SNURF: variants seen among roughly 807,000 people sequenced by gnomAD.
SNURF encodes SNRPN upstream open reading frame.
Under a neutral mutation model 11.6 loss-of-function variants are expected in SNURF, and 6 were observed. The ratio of observed to expected loss-of-function variants is 0.52; its 90% confidence interval spans 0.28 to 1.02. The LOEUF (loss-of-function observed/expected upper bound fraction) is 1.02. Among genes scored for constraint, SNURF ranks in the 50% least tolerant of loss-of-function variants. The pLI is 0.09. For missense variants in SNURF, 84 were observed against 88.4 expected (o/e 0.95, Z 0.20); for synonymous variants, 29 against 31.6 (o/e 0.92, Z 0.27).
chr15:24,957,474 C>G (rs1473539644), intron 1 of SNURF, among the ~76,000 whole-genome samples: 1 of 152,154 alleles, frequency 6.6e-6, no homozygotes. Flanking sequence ...TAATGAATAA[C>G]TGCATTTTTA....
chr15:24,978,128 G>A (rs574344369), downstream of SNURF: 33 of 1,523,506 alleles, frequency 2.2e-5, no homozygotes, highest in East Asian at 7.5e-4. Flanking sequence ...GGGATTATTT[G>A]GGCTAAATTC....
At chr15:24,966,773 A>C (rs2153562136) in intron 2 of SNURF, among the ~76,000 whole-genome samples, 1 of 152,226 alleles carries the variant, frequency 6.6e-6, no homozygotes, top group Admixed American at 6.5e-5. Context: ...TTACTGAAAA[A>C]CCATAGAAAA....
chr15:24,969,166 T>A (rs1479532561), downstream of SNURF, among the ~76,000 whole-genome samples: 1 of 152,208 alleles, frequency 6.6e-6, no homozygotes, highest in African/African-American at 2.4e-5. Context: ...TTTCACTCTG[T>A]TGCCCAGGCT....
At position 24,959,596 on chromosome 15, in the gene SNURF, T is replaced by C. The variant is rs183302885; in HGVS notation, c.15-2518T>C. ...TTTTTTGGTAAGACAGTGTTTGCAG[T>C]TGTACACTATTAGATTAATCATGGT... is the stretch of plus-strand genomic sequence containing the variant. On this transcript the variant is annotated intron_variant, in intron 1 of 2. Transcript: ENST00000577949. Among the ~76,000 whole-genome samples the C allele has an allele frequency of 4.6e-5, 7 of 152,332 alleles. No homozygotes were observed. In the East Asian group the frequency reaches 1.4e-3, roughly 29 times the overall value.
chr15:24,964,840 G>A (rs764936357), intron 2 of SNURF, among the ~76,000 whole-genome samples: 1 of 152,110 alleles, frequency 6.6e-6, no homozygotes, highest in African/African-American at 2.4e-5. Context: ...GTGGGATGAC[G>A]TTAGCCTTCT....
At chr15:24,967,534 C>T (rs1346695791) in intron 2 of SNURF, among the ~76,000 whole-genome samples, 1 of 151,592 alleles carries the variant, frequency 6.6e-6, no homozygotes. Flanking sequence ...CTCAGCTACT[C>T]GGGAGGCTGA....
downstream of SNURF, among the ~76,000 whole-genome samples, chr15:24,970,373 A>G (rs2153616518): frequency 6.6e-6 from 1 of 152,200 alleles, no homozygotes; most frequent in South Asian, 2.1e-4. Context: ...TGAGGTCAGA[A>G]GTTCGAGACC....
intron 1 of SNURF, among the ~76,000 whole-genome samples, chr15:24,955,317 A>G (rs1335777451): frequency 1.3e-5 from 2 of 151,532 alleles, no homozygotes; most frequent in East Asian, 2.0e-4. Flanking sequence ...GACAGGTCCT[A>G]TTGCGGGTGT....
intron 6 of SNURF, among the ~76,000 whole-genome samples, chr15:24,977,299 A>T (rs1291541251): frequency 6.6e-6 from 1 of 152,166 alleles, no homozygotes; most frequent in Non-Finnish European, 1.5e-5. Flanking sequence ...ACAGTTGAAA[A>T]GACCAAAGGG....
intron 1 of SNURF, among the ~76,000 whole-genome samples, chr15:24,960,038 G>T (rs986643293): frequency 6.6e-6 from 1 of 152,102 alleles, no homozygotes; most frequent in Non-Finnish European, 1.5e-5. Flanking sequence ...GCCGAGGTGG[G>T]TAGATCACCT....
chr15:24,978,210 C>T (rs768904469), downstream of SNURF: 1 of 1,613,974 alleles, frequency 6.2e-7, no homozygotes, highest in Non-Finnish European at 8.5e-7. Flanking sequence ...GGCTCCTCCA[C>T]CTGGTATGAG....
intron 2 of SNURF, 106 bp downstream of exon 2, chr15:24,962,315 A>G (rs1012622296): frequency 5.7e-6 from 5 of 872,420 alleles, no homozygotes; most frequent in African/African-American, 5.0e-5. Flanking sequence ...TTGAAGAAGC[A>G]GACACATCTA....
chr15:24,957,085 CT>C (rs535210778), intron 1 of SNURF, among the ~76,000 whole-genome samples: 14 of 152,004 alleles, frequency 9.2e-5, no homozygotes, highest in Non-Finnish European at 1.5e-4. Context: ...TTGTTAACCC[CT>C]TTTTTTTAAC....
chr15:24,971,522 G>T (rs1227478537), downstream of SNURF, among the ~76,000 whole-genome samples: 3 of 151,340 alleles, frequency 2.0e-5, no homozygotes, highest in Non-Finnish European at 4.4e-5. Context: ...AGCTATACAG[G>T]TTATTATTAT....
Position 24,974,684 on chromosome 15 carries a change from G to A in SNURF, c.*46-674G>A, listed in dbSNP as rs759273374. 4.9e-6 allele frequency: 3 copies of A among 617,176 alleles called. No individual in the cohort carries two copies. In the South Asian group the frequency reaches 5.9e-5, roughly 12 times the overall value. 38.2% of individuals were successfully genotyped at this position (617,176 alleles called of 1,614,324 possible). A position where few individuals can be genotyped will look rare whatever the true frequency, so the allele number is the denominator to read the frequency against. On this transcript the variant is annotated intron_variant and NMD_transcript_variant, in intron 3 of 6. Coordinates refer to the SNURF transcript ENST00000580062. ...CTCCCAGTCTGGAGTGCAGTGGTGC[G>A]GTCTTGGCTCACTGCAACCCTGGGT...
At chr15:24,967,642 A>T (rs1596282940) in intron 2 of SNURF, among the ~76,000 whole-genome samples, 1 of 55,370 alleles carries the variant, frequency 1.8e-5, no homozygotes, top group Non-Finnish European at 3.8e-5. Flanking sequence ...ACTCTGTCTT[A>T]AAAAAAAAAA....
downstream of SNURF, chr15:24,978,568 A>G (rs2077322739): frequency 2.2e-6 from 2 of 904,584 alleles, no homozygotes; most frequent in Non-Finnish European, 3.6e-6. Flanking sequence ...AAATGCATAG[A>G]GCAATTAAAC....
At chr15:24,966,522 G>T (rs2075663386) in intron 2 of SNURF, among the ~76,000 whole-genome samples, 2 of 151,982 alleles carry the variant, frequency 1.3e-5, no homozygotes, top group Admixed American at 6.6e-5. Flanking sequence ...CTCCCAGGAG[G>T]GCTTGCTCAA....
At position 24,962,227 on chromosome 15, in the gene SNURF, T is replaced by C; in HGVS notation, c.110+18T>C. 6.3e-7 allele frequency: 1 copy of C among 1,596,990 alleles called. No individual in the cohort carries two copies. The highest frequency in any genetic ancestry group is 8.6e-7 in the Non-Finnish European group (1 of 1,164,486). The stretch of plus-strand genomic sequence containing the variant: ...AACCAAGAGTGAGTACAGACTGTGT[T>C]GGGAACAAATGCAAGTCAGAATCTC... On this transcript the variant is annotated intron_variant, in intron 2 of 2. Transcript: ENST00000577949.
Sources: gnomAD v4.1 joint callset for allele counts (sites outside exome capture counted in the v4.1 genomes callset) on GRCh38, gnomAD v4.1.1 for gene constraint, MANE v1.5 for transcripts, NCBI Gene and HGNC (gene_info 2026-07-23, HGNC 2026-07-21) for gene names.